LMO7: variants seen among roughly 807,000 people sequenced by gnomAD.
The protein encoded by LMO7 is LIM domain 7, also known as LIM domain only protein 7.
In LMO7, 120 loss-of-function variants were observed where a neutral mutation model predicts 206.5. That is an observed-to-expected ratio of 0.58 (90% confidence interval 0.50 to 0.68). The LOEUF (loss-of-function observed/expected upper bound fraction) is 0.68. Ranked by LOEUF, LMO7 falls within the 30% of genes least tolerant of loss-of-function variation. The pLI, the probability that LMO7 is intolerant of heterozygous loss-of-function variation, is 0.00. For missense variants in LMO7, 1,959 were observed against 1,957.9 expected (o/e 1.00, Z -0.01); for synonymous variants, 706 against 681.5 (o/e 1.04, Z -0.56).
chr13:75,636,308 G>A, upstream of LMO7: 2 of 1,087,572 alleles, frequency 1.8e-6, no homozygotes, highest in Non-Finnish European at 2.2e-6. Context: ...GGACGGCGGC[G>A]GCGCTGCGAC....
At chr13:75,668,050 A>G (rs2039225421) in intron 1 of LMO7, among the ~76,000 whole-genome samples, 1 of 152,154 alleles carries the variant, frequency 6.6e-6, no homozygotes, top group Non-Finnish European at 1.5e-5. Context: ...TCTACTAAAA[A>G]TACAAAAATG....
intron 3 of LMO7, among the ~76,000 whole-genome samples, chr13:75,758,228 A>G (rs928611300): frequency 4.6e-5 from 7 of 152,128 alleles, no homozygotes; most frequent in African/African-American, 1.7e-4. Flanking sequence ...AAATTATTTC[A>G]TTAAACAACT....
At chr13:75,816,068 C>G (rs2056954986) in intron 11 of LMO7, among the ~76,000 whole-genome samples, 1 of 152,170 alleles carries the variant, frequency 6.6e-6, no homozygotes, top group African/African-American at 2.4e-5. Context: ...ATTCAAGAAG[C>G]AAGTGGAAAT....
At chr13:75,770,099 G>A (rs971653873) in intron 4 of LMO7, among the ~76,000 whole-genome samples, 1 of 151,810 alleles carries the variant, frequency 6.6e-6, no homozygotes, top group Non-Finnish European at 1.5e-5. Context: ...TATTAAATAA[G>A]AACATAGATT....
intron 25 of LMO7, 58 bp downstream of exon 25, chr13:75,842,974 A>T: frequency 1.9e-6 from 2 of 1,051,940 alleles, no homozygotes; most frequent in Non-Finnish European, 1.5e-6. Context: ...ACAATATTCC[A>T]GAGCTTGCAT....
intron 7 of LMO7, among the ~76,000 whole-genome samples, chr13:75,802,959 T>C (rs1277379220): frequency 6.6e-6 from 1 of 152,220 alleles, no homozygotes; most frequent in African/African-American, 2.4e-5. Flanking sequence ...CAGGACACCG[T>C]ACTGGGCTAA....
upstream of LMO7, among the ~76,000 whole-genome samples, chr13:75,633,261 G>A (rs1393797520): frequency 1.3e-5 from 2 of 152,150 alleles, no homozygotes; most frequent in African/African-American, 4.8e-5. Flanking sequence ...TCAGAGTGCA[G>A]CCAAGAGGCA....
intron 1 of LMO7, among the ~76,000 whole-genome samples, chr13:75,646,310 T>C (rs1280485510): frequency 1.3e-5 from 2 of 152,240 alleles, no homozygotes; most frequent in Admixed American, 6.5e-5. Context: ...CCTATGCTGT[T>C]GCAGTAGCCT....
chr13:75,833,358 C>G, intron 16 of LMO7, among the ~76,000 whole-genome samples, 193 bp downstream of exon 16: 1 of 152,070 alleles, frequency 6.6e-6, no homozygotes, highest in East Asian at 1.9e-4. Context: ...GTTTATTCTC[C>G]TTGACTAATT....
intron 3 of LMO7, among the ~76,000 whole-genome samples, chr13:75,745,007 A>G (rs1205575497): frequency 1.3e-5 from 2 of 152,228 alleles, no homozygotes; most frequent in African/African-American, 4.8e-5. Context: ...CTTATCAGTT[A>G]CCAATAGTTA....
At chr13:75,705,380 G>A (rs1265130461) in intron 1 of LMO7, among the ~76,000 whole-genome samples, 1 of 152,136 alleles carries the variant, frequency 6.6e-6, no homozygotes, top group Non-Finnish European at 1.5e-5. Context: ...TTAAACCTGA[G>A]GTATTCTCTC....
At chr13:75,779,733 T>G (rs1252556697) in intron 4 of LMO7, among the ~76,000 whole-genome samples, 1 of 152,216 alleles carries the variant, frequency 6.6e-6, no homozygotes, top group Non-Finnish European at 1.5e-5. Flanking sequence ...TCCCATTGAC[T>G]TTCTGAAGAC....
At chr13:75,771,679 C>G (rs1482558234) in intron 4 of LMO7, among the ~76,000 whole-genome samples, 1 of 91,220 alleles carries the variant, frequency 1.1e-5, no homozygotes, top group Non-Finnish European at 2.3e-5. Context: ...AACTGTGTCT[C>G]TCTCCTCCAA....
intron 3 of LMO7, among the ~76,000 whole-genome samples, chr13:75,737,863 A>AAAC (rs1449452372): frequency 8.8e-5 from 13 of 147,406 alleles, no homozygotes; most frequent in East Asian, 2.0e-4. Context: ...AAAAAAAAAA[A>AAAC]ACACAGTACA....
intron 3 of LMO7, among the ~76,000 whole-genome samples, chr13:75,753,718 G>T (rs955708674): frequency 2.0e-5 from 3 of 152,158 alleles, no homozygotes; most frequent in Non-Finnish European, 4.4e-5. Context: ...GAAGAAGGAG[G>T]TGTTTGCTTC....
chr13:75,804,589 G>A (rs1444827800), intron 8 of LMO7, 48 bp downstream of exon 8: 1 of 1,576,802 alleles, frequency 6.3e-7, no homozygotes, highest in Non-Finnish European at 8.6e-7. Flanking sequence ...TTTCGAATAT[G>A]GTAGGATGTT....
At chr13:75,856,424 T>C (rs1004347568) in intron 29 of LMO7, 82 bp from the exon 30 acceptor site, 3 of 793,048 alleles carry the variant, frequency 3.8e-6, no homozygotes, top group Admixed American at 1.9e-5. Context: ...AGCATTCTGC[T>C]CATTTCCCCC....
rs762523903 is a variant in LMO7 at position 75,636,620 on chromosome 13, C to T, written c.-38C>T. On this transcript the variant is annotated 5_prime_UTR_variant, in exon 1 of 31. In the 5' UTR this introduces an upstream ATG that the reference lacks. Coordinates refer to ENST00000377534, the MANE Select transcript of LMO7 (RefSeq NM_001306080.2). ...GCGCGGGGACAACCCCTCCCCTCCACGCATCCCGAGTCTCTCTCTCCCTCC... is the reference window on the plus strand; with the variant it reads ...GCGCGGGGACAACCCCTCCCCTCCATGCATCCCGAGTCTCTCTCTCCCTCC... The T allele has an allele frequency of 2.0e-5, 31 of 1,552,504 alleles. No individual in the cohort carries two copies. The highest frequency in any genetic ancestry group is 3.9e-5 in the Admixed American group (2 of 51,528).
At chr13:75,743,421 T>C (rs1723358381) in intron 3 of LMO7, among the ~76,000 whole-genome samples, 1 of 152,124 alleles carries the variant, frequency 6.6e-6, no homozygotes, top group South Asian at 2.1e-4. Context: ...GCAGCACAAT[T>C]CACAATAGCA....
Sources: allele counts gnomAD v4.1 joint callset (sites outside exome capture counted in the v4.1 genomes callset), GRCh38; gene constraint gnomAD v4.1.1; transcripts MANE v1.5; gene names NCBI Gene and HGNC (gene_info 2026-07-23, HGNC 2026-07-21).